Variants in AKR1C1 observed in about 807,000 individuals in gnomAD.
AKR1C1 encodes the protein 20 alpha-hydroxysteroid dehydrogenase.
A neutral mutation model predicts 40.6 loss-of-function variants in AKR1C1; 32 were observed. The ratio of observed to expected loss-of-function variants is 0.79; its 90% CI spans 0.60 to 1.06. AKR1C1 has a LOEUF of 1.06. AKR1C1 is among the 50% of genes least tolerant of loss of function. AKR1C1 has a pLI of 0.00. For synonymous variants in AKR1C1, 105 were observed against 134.2 expected, an observed-to-expected ratio of 0.78 and a Z score of 1.50; for missense variants, 320 against 363.5, an observed-to-expected ratio of 0.88 and a Z score of 0.97.
chr10:4,966,018 G>A lies in AKR1C1; in HGVS notation c.189G>A (p.Leu63=), dbSNP rs755443810. ...ACAATAATGAGGAGCAGGTTGGACT[G>A]GCCATCCGAAGCAAGATTGCAGATG... ...HLYNNEEQVG[L]AIRSKIADGS... is the part of the protein sequence containing the mutation. Residue 63 remains leucine (L), a synonymous_variant, in exon 2 of 9, where the codon CTG becomes CTA. Coordinates refer to ENST00000380872, the MANE Select transcript of AKR1C1 (RefSeq NM_001353.6). 16 of 1,614,176 alleles carry A rather than the reference G, an allele frequency of 9.9e-6. No homozygotes were observed. The South Asian group carries it at 1.6e-4, about 17-fold the overall frequency.
At chr10:4,970,632 A>G (rs531761167) in intron 5 of AKR1C1, among the ~76,000 whole-genome samples, 6 of 152,246 alleles carry the variant, frequency 3.9e-5, no homozygotes, top group African/African-American at 4.8e-5. Flanking sequence ...ATGCAGCCAT[A>G]AAAAATGATG....
At chr10:4,971,349 C>T (rs1398109172) in intron 5 of AKR1C1, among the ~76,000 whole-genome samples, 3 of 151,852 alleles carry the variant, frequency 2.0e-5, no homozygotes, top group Non-Finnish European at 4.4e-5. Context: ...GTACTGTGAA[C>T]GTAATTACTG....
chr10:4,982,911 C>T lies in AKR1C1; in HGVS notation c.*5169C>T, dbSNP rs1348772710. On this transcript the variant is annotated 3_prime_UTR_variant, in exon 9 of 9. Coordinates refer to ENST00000380872, the MANE Select transcript of AKR1C1 (RefSeq NM_001353.6). ...ACCAGTCAGAGGTCTTGAGTCGGTC[C>T]GCATGACAAGTTCACCGCTCGCATA... The T allele has an allele frequency of 9.0e-6, 4 of 446,880 alleles. No individual in the cohort carries two copies. The highest frequency in any genetic ancestry group is 1.6e-5 in the South Asian group (1 of 63,128). The allele number at this position is 446,880 out of a possible 1,614,324, so 27.7% of individuals were successfully genotyped here. A position where few individuals can be genotyped will look rare whatever the true frequency, so the allele number is the denominator to read the frequency against.
chr10:4,980,353 CAA>C lies in AKR1C1; in HGVS notation c.*2612_*2613del, dbSNP rs1158962722. The C allele has an allele frequency of 1.4e-5, 2 of 144,666 alleles. No homozygotes were observed. Among genetic ancestry groups the C allele is most frequent in the Non-Finnish European group, 3.0e-5 (2 of 66,186 alleles). The allele number at this position is 144,666 out of a possible 1,614,324, so 9.0% of individuals were successfully genotyped here. A position where few individuals can be genotyped will look rare whatever the true frequency, so the allele number is the denominator to read the frequency against. On this transcript the variant is annotated 3_prime_UTR_variant, in exon 9 of 9. Transcript: ENST00000380872. Reference sequence around the variant, plus strand: ...TGGTAGGAAAACATTGAAAATGGCACAAGTGACTCCTTCCCTGTCACCAATGA... The same window carrying C: ...TGGTAGGAAAACATTGAAAATGGCACGTGACTCCTTCCCTGTCACCAATGA...
At position 4,968,775 on chromosome 10, in the gene AKR1C1, G is replaced by A. The variant is rs372283717; in HGVS notation, c.448-47G>A. The A allele has an allele frequency of 3.1e-6, 5 of 1,613,694 alleles. No individual in the cohort carries two copies. The African/African-American group carries it at 6.7e-5, about 22-fold the overall frequency. Reference sequence around the variant, plus strand: ...ACAGTTGTTACTTTCACAGTTCTGTGTCACATTTATCTTGATCTTCCACAC... The same window carrying A: ...ACAGTTGTTACTTTCACAGTTCTGTATCACATTTATCTTGATCTTCCACAC... On this transcript the variant is annotated intron_variant, in intron 4 of 8. Transcript: ENST00000380872.
chr10:4,963,797 G>A (rs1836285335), intron 1 of AKR1C1: 3 of 754,738 alleles, frequency 4.0e-6, no homozygotes, highest in Non-Finnish European at 7.4e-6. Flanking sequence ...CTTGAAGATT[G>A]ATTGCAATGG....
At chr10:4,971,002 G>A (rs1554769788) in intron 5 of AKR1C1, among the ~76,000 whole-genome samples, 1 of 151,840 alleles carries the variant, frequency 6.6e-6, no homozygotes, top group Non-Finnish European at 1.5e-5. Flanking sequence ...GGTCAGATCT[G>A]TTGTTTTTAA....
intron 7 of AKR1C1, among the ~76,000 whole-genome samples, chr10:4,973,013 C>T (rs550538648): frequency 1.3e-5 from 2 of 152,402 alleles, no homozygotes; most frequent in South Asian, 2.1e-4. Flanking sequence ...GGGGCCATGT[C>T]CTTTTCTTTA....
chr10:4,972,722 T>C lies in AKR1C1; in HGVS notation c.819T>C (p.Asn273=), dbSNP rs539227232. The change falls in exon 7 of 9, where the codon AAT becomes AAC. Residue 273 remains asparagine (N), a synonymous_variant. Transcript: ENST00000380872. The part of the protein sequence containing the change: ...RGVVVLAKSY[N]EQRIRQNVQV... ...TTGTGGTCCTGGCCAAGAGCTACAATGAGCAGCGCATCAGACAGAACGTGC... is the reference window on the plus strand; with the variant it reads ...TTGTGGTCCTGGCCAAGAGCTACAACGAGCAGCGCATCAGACAGAACGTGC... The C allele has an allele frequency of 4.3e-5, 70 of 1,612,174 alleles. No individual in the cohort carries two copies. The highest frequency in any genetic ancestry group is 1.0e-4 in the Admixed American group (6 of 59,996).
chr10:4,966,237 G>A (rs1836331834), intron 2 of AKR1C1, among the ~76,000 whole-genome samples, 156 bp downstream of exon 2: 1 of 152,210 alleles, frequency 6.6e-6, no homozygotes, highest in Admixed American at 6.5e-5. Flanking sequence ...ATCAAAGGCA[G>A]GAAGTGAAGA....
rs113626069 is a variant in AKR1C1, at chr10:4,979,554, A to T, written c.*1812A>T. ...AAAGATTGACATTTTGTTAAAAGTT[A>T]GTAGTGAAGTGTGTAACGCTTAAGC... On this transcript the variant is annotated 3_prime_UTR_variant, in exon 9 of 9. Coordinates refer to ENST00000380872, the MANE Select transcript of AKR1C1 (RefSeq NM_001353.6). 6.6e-6 allele frequency: 1 copy of T among 150,712 alleles called. No homozygotes were observed. The highest frequency in any genetic ancestry group is 2.5e-5 in the African/African-American group (1 of 40,104). The allele number at this position is 150,712 out of a possible 1,614,324, so 9.3% of individuals were successfully genotyped here. A position where few individuals can be genotyped will look rare whatever the true frequency, so the allele number is the denominator to read the frequency against.
chr10:4,970,291 A>C (rs1422542315), intron 5 of AKR1C1, among the ~76,000 whole-genome samples: 1 of 152,196 alleles, frequency 6.6e-6, no homozygotes, highest in Admixed American at 6.5e-5. Context: ...TTCCTTGCTT[A>C]ATCAAAATAT....
At position 4,982,400 on chromosome 10, in the gene AKR1C1, A is replaced by G. The variant is rs1554771191; in HGVS notation, c.*4658A>G. On this transcript the variant is annotated 3_prime_UTR_variant, in exon 9 of 9. Coordinates refer to ENST00000380872, the MANE Select transcript of AKR1C1 (RefSeq NM_001353.6). ...ACAGCCCAGCTACAATTGTCTGAGAACTCACTGCAAGCTGTAAGCGGCCCA... is the reference window on the plus strand; with the variant it reads ...ACAGCCCAGCTACAATTGTCTGAGAGCTCACTGCAAGCTGTAAGCGGCCCA... 1 of 127,816 alleles carries G rather than the reference A, an allele frequency of 7.8e-6. No individual in the cohort carries two copies. The highest frequency in any genetic ancestry group is 2.7e-4 in the East Asian group (1 of 3,670). The allele number at this position is 127,816 out of a possible 1,614,324, so 7.9% of individuals were successfully genotyped here.
Position 4,972,766 on chromosome 10 carries a change from T to A in AKR1C1, c.846+17T>A, listed in dbSNP as rs1357128963. On this transcript the variant is annotated intron_variant, in intron 7 of 8. Coordinates refer to ENST00000380872, the MANE Select transcript of AKR1C1 (RefSeq NM_001353.6). The stretch of plus-strand genomic sequence containing the variant: ...AACGTGCAGGTGAGGAGCGGGGCTG[T>A]GGGCCTCAGGTCTCCTGCACAGTGT... 19 of 1,610,358 alleles carry A rather than the reference T, an allele frequency of 1.2e-5. No individual in the cohort carries two copies. Among genetic ancestry groups the A allele is most frequent in the Non-Finnish European group, 1.5e-5 (18 of 1,178,812 alleles).
At chr10:4,975,118 T>G (rs1292049588) in intron 7 of AKR1C1, among the ~76,000 whole-genome samples, 2 of 151,900 alleles carry the variant, frequency 1.3e-5, no homozygotes, top group Non-Finnish European at 1.5e-5. Context: ...TAATAGTTTT[T>G]GATAACTTTT....
chr10:4,975,253 G>A (rs1554770335), intron 7 of AKR1C1, among the ~76,000 whole-genome samples: 1 of 151,724 alleles, frequency 6.6e-6, no homozygotes, highest in Admixed American at 6.6e-5. Context: ...CTCATTTTCT[G>A]TATTACTCCT....
chr10:4,969,834 T>A, intron 5 of AKR1C1: 1 of 1,263,484 alleles, frequency 7.9e-7, no homozygotes, highest in Non-Finnish European at 1.1e-6. Flanking sequence ...GTTTTAAAAC[T>A]TAGAGTCAAT....
At chr10:4,964,863 T>C (rs1180649790) in intron 1 of AKR1C1, among the ~76,000 whole-genome samples, 1 of 152,238 alleles carries the variant, frequency 6.6e-6, no homozygotes, top group Non-Finnish European at 1.5e-5. Flanking sequence ...CATAATAGAC[T>C]GCTATCCATA....
chr10:4,972,874 T>C lies in AKR1C1; in HGVS notation c.846+125T>C, dbSNP rs1174618448. On this transcript the variant is annotated intron_variant, in intron 7 of 8. Transcript: ENST00000380872. Reference sequence around the variant, plus strand: ...CCCTGTATTTCCTATGCATGAACTCTTTGTGTACGTCATAAGGGTTTCTTC... The same window carrying C: ...CCCTGTATTTCCTATGCATGAACTCCTTGTGTACGTCATAAGGGTTTCTTC... The C allele has an allele frequency of 8.3e-6, 12 of 1,444,132 alleles. No individual in the cohort carries two copies. In the African/African-American group the frequency reaches 1.3e-4, roughly 15 times the overall value. 89.5% of individuals were successfully genotyped at this position (1,444,132 alleles called of 1,614,324 possible).
Sources: gnomAD v4.1 joint callset for allele counts (sites outside exome capture counted in the v4.1 genomes callset) on GRCh38, gnomAD v4.1.1 for gene constraint, MANE v1.5 for transcripts, NCBI Gene and HGNC (gene_info 2026-07-23, HGNC 2026-07-21) for gene names.